Variants in CLEC16A observed in about 807,000 individuals in gnomAD.
CLEC16A encodes protein CLEC16A.
CLEC16A carries 51 observed loss-of-function variants against 109.5 expected under a neutral mutation model. The observed-to-expected ratio is 0.47, with a 90% confidence interval of 0.37 to 0.59. CLEC16A has a LOEUF of 0.59. CLEC16A is among the 20% of genes least tolerant of loss of function. CLEC16A has a pLI of 0.00. For missense variants in CLEC16A, 1,339 were observed against 1,394.0 expected (o/e 0.96, Z 0.63); for synonymous variants, 673 against 564.2 (o/e 1.19, Z -2.73).
Position 11,063,389 on chromosome 16 carries a change from G to C in CLEC16A, c.2116+2367G>C, listed in dbSNP as rs1283687115. On this transcript the variant is annotated intron_variant, in intron 19 of 23. Coordinates refer to ENST00000409790, the MANE Select transcript of CLEC16A (RefSeq NM_015226.3). ...TGTGCAATCTGACCAAACGCCTTCT[G>C]TATACAAAATACAGGTGAAGGACAG... Among the ~76,000 whole-genome samples the C allele has an allele frequency of 6.2e-5, 9 of 144,094 alleles. No homozygotes were observed. The East Asian group carries it at 1.9e-3, about 30-fold the overall frequency. The allele number at this position is 144,094 out of a possible 152,430, so 94.5% of individuals were successfully genotyped here.
intron 1 of CLEC16A, among the ~76,000 whole-genome samples, chr16:10,946,848 G>A (rs1462167062): frequency 6.6e-6 from 1 of 152,194 alleles, no homozygotes; most frequent in Admixed American, 6.5e-5. Flanking sequence ...AAGGTTCAGG[G>A]GGCTTCAGTG....
intron 10 of CLEC16A, among the ~76,000 whole-genome samples, chr16:10,984,182 A>G (rs185737227): frequency 1.1e-4 from 16 of 152,244 alleles, no homozygotes; most frequent in Admixed American, 3.9e-4. Flanking sequence ...TGTGGATGAA[A>G]GGCCACCACT....
At chr16:10,950,964 A>T (rs1267138529) in intron 1 of CLEC16A, among the ~76,000 whole-genome samples, 1 of 152,260 alleles carries the variant, frequency 6.6e-6, no homozygotes, top group East Asian at 1.9e-4. Flanking sequence ...ACGTGCAGAA[A>T]ATGCTGTCAC....
intron 13 of CLEC16A, among the ~76,000 whole-genome samples, chr16:11,036,544 C>CTTTTTTTTTTT (rs71404440): frequency 1.8e-4 from 24 of 131,948 alleles, no homozygotes; most frequent in African/African-American, 6.4e-4. Flanking sequence ...TCTAATTTTC[C>CTTTTTTTTTTT]TTTTTTTTTT....
chr16:11,174,646 G>T lies in CLEC16A; in HGVS notation c.2807-3689G>T, dbSNP rs1379090685. On this transcript the variant is annotated intron_variant, in intron 23 of 23. Transcript: ENST00000409790. This position sits in a 1 kb window ranked among gnomAD's most constrained non-coding sequence, Gnocchi z 4.7. ...GCCAAGTCCCCCAGGGGTCCCCCCA[G>T]TTTAGGCCATGGGGGTTGGGCGGCA... is the stretch of plus-strand genomic sequence containing the variant. Among the ~76,000 whole-genome samples, 7 of 152,284 alleles carry T rather than the reference G, an allele frequency of 4.6e-5. No homozygotes were observed. Among genetic ancestry groups the T allele is most frequent in the Non-Finnish European group, 4.4e-5 (3 of 68,050 alleles).
At chr16:11,014,995 C>CA (rs1242309231) in intron 11 of CLEC16A, among the ~76,000 whole-genome samples, 3 of 152,168 alleles carry the variant, frequency 2.0e-5, no homozygotes, top group Non-Finnish European at 2.9e-5. Flanking sequence ...CCCTTTCCCC[C>CA]AAAAACCTGC....
intron 19 of CLEC16A, among the ~76,000 whole-genome samples, chr16:11,070,101 C>T (rs1053740098): frequency 1.3e-5 from 2 of 151,248 alleles, no homozygotes; most frequent in Admixed American, 6.6e-5. Flanking sequence ...GACGGAGTCT[C>T]ACCCTATTGC....
intron 22 of CLEC16A, among the ~76,000 whole-genome samples, chr16:11,142,897 GC>G (rs1567384669): frequency 2.0e-5 from 3 of 152,198 alleles, no homozygotes; most frequent in South Asian, 2.1e-4. Context: ...TGCAACCTCC[GC>G]CCCCCTGGTT....
rs573491799 is a variant in CLEC16A, at chr16:11,115,908, G to A, written c.2117-4707G>A. Reference sequence around the variant, plus strand: ...ATATTATAAATTTTTTTAAAGACAAGGTCTCACTATGTTGCCCAGGATGAA... The same window carrying A: ...ATATTATAAATTTTTTTAAAGACAAAGTCTCACTATGTTGCCCAGGATGAA... On this transcript the variant is annotated intron_variant, in intron 19 of 23. Transcript: ENST00000409790. Among the ~76,000 whole-genome samples the A allele has an allele frequency of 4.0e-3, 601 of 151,040 alleles. 3 individuals are homozygous for A. Among genetic ancestry groups the A allele is most frequent in the African/African-American group, 0.014 (580 of 41,120 alleles).
chr16:11,104,938 C>G (rs2051128929), intron 19 of CLEC16A, among the ~76,000 whole-genome samples: 1 of 152,196 alleles, frequency 6.6e-6, no homozygotes, highest in Admixed American at 6.5e-5. Context: ...ACCCTTGTTC[C>G]TGGGCTGCTG....
intron 19 of CLEC16A, among the ~76,000 whole-genome samples, chr16:11,099,033 C>G (rs1402519384): frequency 6.6e-6 from 1 of 152,246 alleles, no homozygotes. Flanking sequence ...TGGGAATGGG[C>G]TTTCTGTGTG....
chr16:11,096,048 C>G (rs1313226316), intron 19 of CLEC16A, among the ~76,000 whole-genome samples: 1 of 152,022 alleles, frequency 6.6e-6, no homozygotes, highest in Non-Finnish European at 1.5e-5. Context: ...GAAAACAAAA[C>G]TAAGGCCAGA....
At chr16:11,039,328 ATAT>A (rs1361052225) in intron 13 of CLEC16A, among the ~76,000 whole-genome samples, 4 of 152,326 alleles carry the variant, frequency 2.6e-5, no homozygotes, top group African/African-American at 9.6e-5. Flanking sequence ...GATTTTTAAA[ATAT>A]TATTACTGGC....
At chr16:10,974,194 A>G (rs763009376) in intron 7 of CLEC16A, among the ~76,000 whole-genome samples, 40 of 152,012 alleles carry the variant, frequency 2.6e-4, no homozygotes, top group Non-Finnish European at 4.6e-4. Context: ...CACTGTACCC[A>G]GCCATAAGGT....
chr16:11,111,807 T>A (rs1027632636), intron 19 of CLEC16A, among the ~76,000 whole-genome samples: 1 of 152,362 alleles, frequency 6.6e-6, no homozygotes, highest in African/African-American at 2.4e-5. Flanking sequence ...ACCTTAATGA[T>A]TGTAAGTAAT....
intron 10 of CLEC16A, among the ~76,000 whole-genome samples, chr16:10,994,205 A>G (rs2044198580): frequency 6.6e-6 from 1 of 152,154 alleles, no homozygotes; most frequent in South Asian, 2.1e-4. Context: ...CTACCTTTGC[A>G]TGTTCCCCAC....
At chr16:10,957,070 T>G (rs1016956452) in intron 1 of CLEC16A, among the ~76,000 whole-genome samples, 29 of 152,200 alleles carry the variant, frequency 1.9e-4, no homozygotes, top group Non-Finnish European at 2.9e-5. Flanking sequence ...GTGCTGGGAT[T>G]ACAGGCATGA....
intron 18 of CLEC16A, among the ~76,000 whole-genome samples, chr16:11,052,425 A>G (rs1228608938): frequency 1.3e-5 from 2 of 152,184 alleles, no homozygotes; most frequent in Non-Finnish European, 2.9e-5. Flanking sequence ...CAAAACAGGA[A>G]TGACCTGTCA....
At chr16:10,981,376 C>T (rs900143634) in intron 9 of CLEC16A, among the ~76,000 whole-genome samples, 7 of 152,148 alleles carry the variant, frequency 4.6e-5, no homozygotes, top group Non-Finnish European at 1.0e-4. Context: ...AAGCCTTGGA[C>T]GTGGGTTAAC....
Sources: gnomAD v4.1 joint callset for allele counts (sites outside exome capture counted in the v4.1 genomes callset) on GRCh38, gnomAD v4.1.1 for gene constraint, Gnocchi (gnomAD v3.1) non-coding constraint, MANE v1.5 for transcripts, NCBI Gene and HGNC (gene_info 2026-07-23, HGNC 2026-07-21) for gene names.